PDE1C: variants seen among roughly 807,000 people sequenced by gnomAD.
PDE1C encodes the protein phosphodiesterase 1C, also known as dual specificity calcium/calmodulin-dependent 3',5'-cyclic nucleotide phosphodiesterase 1C.
Under a neutral mutation model 93.1 loss-of-function variants are expected in PDE1C, and 62 were observed. The observed-to-expected ratio is 0.67, with a 90% confidence interval of 0.54 to 0.82. The LOEUF is 0.82. PDE1C is among the 40% of genes least tolerant of loss of function. The pLI is 0.00. For missense variants in PDE1C, 742 were observed against 884.6 expected (o/e 0.84, Z 2.04); for synonymous variants, 325 against 310.1 (o/e 1.05, Z -0.50).
chr7:31,768,858 C>T (rs980493982), intron 17 of PDE1C, among the ~76,000 whole-genome samples: 17 of 152,010 alleles, frequency 1.1e-4, no homozygotes, highest in Admixed American at 3.3e-4. Context: ...TTCAATGGTA[C>T]AATCTCAGCT....
At chr7:32,411,609 G>T (rs552461377) in intron 1 of PDE1C, among the ~76,000 whole-genome samples, 1 of 152,246 alleles carries the variant, frequency 6.6e-6, no homozygotes, top group East Asian at 1.9e-4. Flanking sequence ...GGAGTGAATG[G>T]GAAGGCCTGG....
chr7:32,418,286 G>T (rs916942824), intron 1 of PDE1C, among the ~76,000 whole-genome samples: 3 of 152,080 alleles, frequency 2.0e-5, no homozygotes, highest in African/African-American at 7.2e-5. Context: ...TCAGCACAAG[G>T]CTTAAGACCT....
chr7:32,308,802 A>T (rs1377024628), intron 1 of PDE1C, among the ~76,000 whole-genome samples: 1 of 152,100 alleles, frequency 6.6e-6, no homozygotes, highest in African/African-American at 2.4e-5. Context: ...ATGGGGAAAA[A>T]ACAGAGCAGA....
chr7:31,670,004 C>T, the PDE1C span, among the ~76,000 whole-genome samples: 5 of 152,188 alleles, frequency 3.3e-5, no homozygotes, highest in Non-Finnish European at 7.3e-5. Flanking sequence ...AGCCTTCCTT[C>T]CATCCCGTGA....
intron 17 of PDE1C, among the ~76,000 whole-genome samples, chr7:31,763,548 G>A (rs1018184990): frequency 5.3e-5 from 8 of 152,100 alleles, no homozygotes; most frequent in African/African-American, 1.4e-4. Context: ...TAGCACTCAG[G>A]GTTTGGTTTT....
At chr7:32,392,965 C>A (rs764483376) in intron 1 of PDE1C, among the ~76,000 whole-genome samples, 1 of 134,688 alleles carries the variant, frequency 7.4e-6, no homozygotes, top group Non-Finnish European at 1.5e-5. Flanking sequence ...AGGAGAATCA[C>A]TTGAATCCTG....
intron 9 of PDE1C, among the ~76,000 whole-genome samples, chr7:31,838,380 AAT>A (rs952389401): frequency 1.1e-4 from 16 of 152,310 alleles, no homozygotes; most frequent in African/African-American, 3.4e-4. Context: ...CTTGATTTTT[AAT>A]AGAGTTTTAG....
chr7:31,619,663 C>G, the PDE1C span, among the ~76,000 whole-genome samples: 1 of 152,050 alleles, frequency 6.6e-6, no homozygotes. Flanking sequence ...CAGTCTACAG[C>G]CCCCAGCGTG....
chr7:31,937,052 A>G (rs2128992085), intron 2 of PDE1C, among the ~76,000 whole-genome samples: 1 of 152,284 alleles, frequency 6.6e-6, no homozygotes, highest in East Asian at 1.9e-4. Flanking sequence ...TTGACTGGCA[A>G]TTGTAGAAAC....
rs1450809927 is a variant in PDE1C, at chr7:31,753,454, T to C, written c.2060A>G (p.Tyr687Cys). 1 of 1,612,600 alleles carries C rather than the reference T, an allele frequency of 6.2e-7. No individual in the cohort carries two copies. The highest frequency in any genetic ancestry group is 1.3e-5 in the African/African-American group (1 of 74,934). Residue 687 changes from tyrosine (Y) to cysteine (C), a missense_variant, in exon 18 of 18, where the codon TAC (tyrosine) becomes TGC (cysteine). By Grantham distance (194) the Tyr-to-Cys change is radical (BLOSUM62 -2). Around this residue, in one of 4 missense-constraint regions of PDE1C, gnomAD observed 454 missense variants for 459.4 expected, o/e 0.99. Transcript: ENST00000396191. ...TTTGATCCTCTGATCCAGCATCTTG[T>C]ACCTTGCAGGATGCTCATCAGTTTT... ...SKKTDEHPAR[Y>C]KMLDQRIKMK... is the part of the protein sequence containing the mutation.
At chr7:31,618,767 G>A in the PDE1C span, among the ~76,000 whole-genome samples, 3 of 152,214 alleles carry the variant, frequency 2.0e-5, no homozygotes, top group Non-Finnish European at 2.9e-5. Context: ...GCTGGCAAGT[G>A]TTGGCATCAG....
intron 9 of PDE1C, among the ~76,000 whole-genome samples, chr7:31,845,868 C>T (rs1008368559): frequency 1.3e-5 from 2 of 152,020 alleles, no homozygotes; most frequent in African/African-American, 2.4e-5. Context: ...TAGTGCATGC[C>T]TGTAGTCCCA....
intron 1 of PDE1C, among the ~76,000 whole-genome samples, chr7:32,279,046 T>C (rs1178485899): frequency 1.3e-4 from 20 of 152,162 alleles, no homozygotes; most frequent in Admixed American, 1.3e-3. Flanking sequence ...TTATTGCAAA[T>C]TATGCCTCAA....
At chr7:31,834,159 C>A (rs1212051796) in intron 11 of PDE1C, among the ~76,000 whole-genome samples, 1 of 152,212 alleles carries the variant, frequency 6.6e-6, no homozygotes, top group Non-Finnish European at 1.5e-5. Context: ...GAACCTCCGC[C>A]TAGATTTCAG....
At chr7:32,403,693 T>C (rs563178619) in intron 1 of PDE1C, among the ~76,000 whole-genome samples, 13 of 152,320 alleles carry the variant, frequency 8.5e-5, no homozygotes, top group Middle Eastern at 6.8e-3. Context: ...TTTGATTCAA[T>C]TCAATTAGCA....
chr7:31,696,773 T>C, the PDE1C span, among the ~76,000 whole-genome samples: 1 of 152,216 alleles, frequency 6.6e-6, no homozygotes, highest in Admixed American at 6.5e-5. Context: ...GCAAAACCTT[T>C]TGTATAGACA....
the PDE1C span, among the ~76,000 whole-genome samples, chr7:31,661,395 G>T: frequency 2.0e-5 from 3 of 152,250 alleles, no homozygotes; most frequent in African/African-American, 7.2e-5. Context: ...GGGAAAGATA[G>T]TCTTTGGAAG....
intron 1 of PDE1C, among the ~76,000 whole-genome samples, chr7:32,327,039 A>T (rs924989743): frequency 1.3e-5 from 2 of 152,176 alleles, no homozygotes. Flanking sequence ...AGTCATCTTC[A>T]TTCCTACTTA....
intron 1 of PDE1C, among the ~76,000 whole-genome samples, chr7:32,391,462 G>C (rs910423039): frequency 6.6e-6 from 1 of 152,154 alleles, no homozygotes; most frequent in South Asian, 2.1e-4. Flanking sequence ...AAGTCAGCAA[G>C]AGTATAGAGA....
Sources: allele counts gnomAD v4.1 joint callset (sites outside exome capture counted in the v4.1 genomes callset), GRCh38; gene constraint gnomAD v4.1.1; regional missense constraint gnomAD v4.1.1; transcripts MANE v1.5; gene names NCBI Gene and HGNC (gene_info 2026-07-23, HGNC 2026-07-21).